CCDC146: variants seen among roughly 807,000 people sequenced by gnomAD.
The protein encoded by CCDC146 is coiled-coil domain-containing protein 146.
In CCDC146, 92 loss-of-function variants were observed where a neutral mutation model predicts 119.3. The ratio of observed to expected loss-of-function variants is 0.77; its 90% CI spans 0.65 to 0.92. The LOEUF (loss-of-function observed/expected upper bound fraction) is 0.92. CCDC146 is among the 40% of genes least tolerant of loss of function. The probability of loss-of-function intolerance (pLI) is 0.00; values close to 1 mark genes in which losing one functional copy is unlikely to be tolerated. For missense variants in CCDC146, 1,000 were observed against 1,103.0 expected (o/e 0.91, Z 1.32); for synonymous variants, 372 against 371.8 (o/e 1.00, Z -0.01).
chr7:77,170,525 G>C (rs1249002599), intron 2 of CCDC146, among the ~76,000 whole-genome samples: 2 of 152,164 alleles, frequency 1.3e-5, no homozygotes, highest in African/African-American at 4.8e-5. Context: ...TGGTAGCTCT[G>C]TTTTAAGTTA....
At position 77,289,623 on chromosome 7, in the gene CCDC146, A is replaced by G. The variant is rs371813751; in HGVS notation, c.2415+2046A>G. ...GATAGCCAAAGTTGTTGCAAGTATT[A>G]CATAGTCGAACACGTAAGTGACCTA... On this transcript the variant is annotated intron_variant, in intron 17 of 18. Transcript: ENST00000285871. Among the ~76,000 whole-genome samples, 85 of 152,352 alleles carry G rather than the reference A, an allele frequency of 5.6e-4. 1 individual carries two copies. The highest frequency in any genetic ancestry group is 1.7e-3 in the African/African-American group (70 of 41,576).
At chr7:77,124,073 G>A (rs1370365508) in intron 1 of CCDC146, among the ~76,000 whole-genome samples, 1 of 152,182 alleles carries the variant, frequency 6.6e-6, no homozygotes, top group Non-Finnish European at 1.5e-5. Flanking sequence ...AGAAACACTA[G>A]ACATTTTTAG....
At chr7:77,138,752 C>T (rs1177693315) in intron 1 of CCDC146, among the ~76,000 whole-genome samples, 1 of 152,132 alleles carries the variant, frequency 6.6e-6, no homozygotes, top group Non-Finnish European at 1.5e-5. Flanking sequence ...ATACAAATGG[C>T]AAATAAGCAC....
At chr7:77,216,929 A>C (rs191559235) in intron 2 of CCDC146, among the ~76,000 whole-genome samples, 7 of 152,138 alleles carry the variant, frequency 4.6e-5, no homozygotes, top group African/African-American at 7.2e-5. Context: ...GCTGACCAAC[A>C]CATTTTCTCA....
chr7:77,224,445 G>A (rs770437410), intron 2 of CCDC146, among the ~76,000 whole-genome samples: 3 of 152,144 alleles, frequency 2.0e-5, no homozygotes, highest in Non-Finnish European at 2.9e-5. Flanking sequence ...GTACTCACAT[G>A]ATTGGATTGG....
chr7:77,154,471 A>G (rs893388693), intron 1 of CCDC146, among the ~76,000 whole-genome samples: 7 of 103,880 alleles, frequency 6.7e-5, no homozygotes, highest in African/African-American at 2.2e-4. Context: ...CCACCCCATG[A>G]CAGGCCCCGG....
intron 2 of CCDC146, among the ~76,000 whole-genome samples, chr7:77,188,180 G>A (rs1220133918): frequency 6.6e-6 from 1 of 152,132 alleles, no homozygotes; most frequent in Non-Finnish European, 1.5e-5. Context: ...TTCACAAATT[G>A]TTTGTTGCTT....
chr7:77,292,320 T>A (rs1395978308), intron 17 of CCDC146, among the ~76,000 whole-genome samples: 3 of 112,822 alleles, frequency 2.7e-5, no homozygotes, highest in East Asian at 2.9e-4. Flanking sequence ...TTTTTTTTTT[T>A]AAAGAACATC....
rs1214746898 is a variant in CCDC146, at chr7:77,157,516, G to A, written c.-11-10142G>A. ...GATGATCACCTATGTTTCATTTGAA[G>A]AAGAGGAATTACTGATGTGTATTAC... On this transcript the variant is annotated intron_variant, in intron 1 of 18. Coordinates refer to ENST00000285871, the MANE Select transcript of CCDC146 (RefSeq NM_020879.3). 3.9e-5 allele frequency among the ~76,000 whole-genome samples: 6 copies of A among 152,160 alleles called. No individual in the cohort carries two copies. In the East Asian group the frequency reaches 1.2e-3, roughly 29 times the overall value.
chr7:77,236,093 A>G lies in CCDC146; in HGVS notation c.157-854A>G, dbSNP rs185009779. ...CATAAATAAATAAATAAATAAATAAATGTAAGAACAACAGGGCTGAAAAAC... is the reference window on the plus strand; with the variant it reads ...CATAAATAAATAAATAAATAAATAAGTGTAAGAACAACAGGGCTGAAAAAC... On this transcript the variant is annotated intron_variant, in intron 2 of 18. Transcript: ENST00000285871. Among the ~76,000 whole-genome samples, 37 of 152,046 alleles carry G rather than the reference A, an allele frequency of 2.4e-4. 1 individual carries two copies. Among genetic ancestry groups the G allele is most frequent in the African/African-American group, 8.7e-4 (36 of 41,488 alleles).
At chr7:77,130,702 C>T (rs1790771472) in intron 1 of CCDC146, among the ~76,000 whole-genome samples, 1 of 145,136 alleles carries the variant, frequency 6.9e-6, no homozygotes, top group Admixed American at 6.8e-5. Context: ...AGGTTCACGC[C>T]ATTCTCCTGC....
At chr7:77,262,561 G>C (rs974772945) in intron 9 of CCDC146, among the ~76,000 whole-genome samples, 1 of 152,226 alleles carries the variant, frequency 6.6e-6, no homozygotes, top group African/African-American at 2.4e-5. Context: ...CTGGGGAAAT[G>C]ACTGGACTAT....
At chr7:77,283,738 C>CT (rs922167728) in intron 15 of CCDC146, among the ~76,000 whole-genome samples, 4 of 152,040 alleles carry the variant, frequency 2.6e-5, no homozygotes, top group African/African-American at 4.8e-5. Context: ...TTAGATCCCC[C>CT]TTTTTTTTAA....
intron 17 of CCDC146, among the ~76,000 whole-genome samples, chr7:77,290,292 G>A (rs1404247958): frequency 2.6e-5 from 4 of 151,458 alleles, no homozygotes; most frequent in African/African-American, 9.7e-5. Context: ...TGAGTTAATG[G>A]GTGCAGCACA....
At chr7:77,247,411 G>A (rs1792973764) in intron 4 of CCDC146, among the ~76,000 whole-genome samples, 1 of 152,180 alleles carries the variant, frequency 6.6e-6, no homozygotes. Context: ...CCTGGTGGCA[G>A]CATGCCCGAG....
At chr7:77,154,910 G>T (rs545516217) in intron 1 of CCDC146, among the ~76,000 whole-genome samples, 12,389 of 151,762 alleles carry the variant, frequency 0.082, 1,611 homozygotes, top group African/African-American at 0.28. Context: ...TTTCTAACGT[G>T]CACATTTTCA....
intron 2 of CCDC146, among the ~76,000 whole-genome samples, chr7:77,210,277 T>C (rs1161933853): frequency 3.9e-5 from 6 of 152,226 alleles, no homozygotes. Context: ...TAGAAGTTTC[T>C]TCCACCAGAT....
chr7:77,154,526 A>G (rs188486000), intron 1 of CCDC146, among the ~76,000 whole-genome samples: 2 of 146,138 alleles, frequency 1.4e-5, no homozygotes, highest in African/African-American at 5.1e-5. Context: ...TCATTGTTCA[A>G]TTCCCACCTA....
At chr7:77,248,585 T>C (rs796352897) in intron 4 of CCDC146, among the ~76,000 whole-genome samples, 4 of 152,244 alleles carry the variant, frequency 2.6e-5, no homozygotes, top group East Asian at 1.9e-4. Context: ...TTAAAATCTT[T>C]CCATATCGGG....
Sources: gnomAD v4.1 joint callset for allele counts (sites outside exome capture counted in the v4.1 genomes callset) on GRCh38, gnomAD v4.1.1 for gene constraint, MANE v1.5 for transcripts, NCBI Gene and HGNC (gene_info 2026-07-23, HGNC 2026-07-21) for gene names.